CNTN3: variants seen among roughly 807,000 people sequenced by gnomAD.
The protein encoded by CNTN3 is contactin 3, also known as contactin-3.
A neutral mutation model predicts 119.1 loss-of-function variants in CNTN3; 60 were observed. The observed-to-expected ratio is 0.50, with a 90% CI of 0.41 to 0.62. CNTN3 has a LOEUF of 0.62. CNTN3 is among the 20% of genes least tolerant of loss of function. The pLI is 0.00. For synonymous variants in CNTN3, 450 were observed against 438.7 expected (o/e 1.03, Z -0.32); for missense variants, 1,101 against 1,242.4 (o/e 0.89, Z 1.71).
intron 11 of CNTN3, among the ~76,000 whole-genome samples, chr3:74,342,423 G>A (rs767758250): frequency 6.6e-6 from 1 of 152,048 alleles, no homozygotes; most frequent in Non-Finnish European, 1.5e-5. Flanking sequence ...AAATCTCCAA[G>A]GAAAGGAAAA....
At chr3:74,605,215 T>C (rs1268677103) in intron 1 of CNTN3, among the ~76,000 whole-genome samples, 2 of 152,066 alleles carry the variant, frequency 1.3e-5, no homozygotes, top group East Asian at 1.9e-4. Context: ...GTTCAAGAGA[T>C]CTATTATACA....
intron 11 of CNTN3, among the ~76,000 whole-genome samples, chr3:74,352,810 G>C (rs935974950): frequency 3.9e-5 from 6 of 152,114 alleles, no homozygotes; most frequent in Admixed American, 3.9e-4. Flanking sequence ...AGAAATTCAA[G>C]TAAGATACAA....
chr3:74,281,508 T>C (rs528858953), intron 20 of CNTN3, among the ~76,000 whole-genome samples: 17 of 152,028 alleles, frequency 1.1e-4, no homozygotes, highest in Non-Finnish European at 2.2e-4. Flanking sequence ...TTAATTCTCT[T>C]ATATTTTTCT....
chr3:74,565,045 T>G (rs1704206560), intron 1 of CNTN3, among the ~76,000 whole-genome samples: 2 of 152,126 alleles, frequency 1.3e-5, no homozygotes, highest in Non-Finnish European at 2.9e-5. Context: ...CTTCTACCAC[T>G]TCTACATTTC....
intron 11 of CNTN3, among the ~76,000 whole-genome samples, chr3:74,351,026 A>G (rs562559755): frequency 1.3e-5 from 2 of 152,334 alleles, no homozygotes; most frequent in African/African-American, 2.4e-5. Context: ...CCCAAACTCC[A>G]GCACTATACA....
chr3:74,301,351 G>A (rs1223554018), intron 16 of CNTN3, 47 bp downstream of exon 16: 2 of 1,577,774 alleles, frequency 1.3e-6, no homozygotes, highest in Non-Finnish European at 1.7e-6. Context: ...GGAAATGGAA[G>A]TACACAGAAA....
intron 5 of CNTN3, among the ~76,000 whole-genome samples, chr3:74,420,758 T>A (rs1473671727): frequency 2.0e-5 from 3 of 152,210 alleles, no homozygotes; most frequent in African/African-American, 7.2e-5. Flanking sequence ...AGAGCCCTGG[T>A]CATGAGTCAG....
chr3:74,579,103 T>C (rs1333140178), intron 1 of CNTN3, among the ~76,000 whole-genome samples: 1 of 151,944 alleles, frequency 6.6e-6, no homozygotes, highest in Non-Finnish European at 1.5e-5. Context: ...AAAGCTAGTA[T>C]TTCGTGCCAA....
At chr3:74,425,393 T>G (rs1368275943) in intron 4 of CNTN3, among the ~76,000 whole-genome samples, 1 of 152,198 alleles carries the variant, frequency 6.6e-6, no homozygotes, top group Non-Finnish European at 1.5e-5. Flanking sequence ...TCCCAGAACC[T>G]AGAGAGAAAA....
At chr3:74,556,805 T>C (rs145327924) in intron 1 of CNTN3, among the ~76,000 whole-genome samples, 2,055 of 152,328 alleles carry the variant, frequency 0.013, 24 homozygotes, top group Non-Finnish European at 0.02. Flanking sequence ...ACATTTGTTA[T>C]ATTTGTCCTT....
Position 74,581,130 on chromosome 3 carries a change from C to T in CNTN3, c.-81+33261G>A, listed in dbSNP as rs1398705562. Among the ~76,000 whole-genome samples, 3 of 151,994 alleles carry T rather than the reference C, an allele frequency of 2.0e-5. No individual in the cohort carries two copies. In the East Asian group the frequency reaches 5.8e-4, roughly 29 times the overall value. On this transcript the variant is annotated intron_variant, in intron 1 of 22. Coordinates refer to ENST00000263665, the MANE Select transcript of CNTN3 (RefSeq NM_020872.3). ...ACTCACCATTATACTAAAGGTCCTA[C>T]AAGGAGTAGTAAGTCAAACTAAGAA... is the stretch of plus-strand genomic sequence containing the variant.
At chr3:74,357,724 T>A (rs890752143) in intron 11 of CNTN3, among the ~76,000 whole-genome samples, 2 of 152,264 alleles carry the variant, frequency 1.3e-5, no homozygotes, top group East Asian at 3.9e-4. Context: ...AGAGAAAGCT[T>A]TCATCTTTAT....
intron 13 of CNTN3, among the ~76,000 whole-genome samples, chr3:74,324,665 G>A (rs533042140): frequency 2.6e-5 from 4 of 152,046 alleles, no homozygotes; most frequent in African/African-American, 9.6e-5. Context: ...TAACCTTTAC[G>A]AACATTGGTT....
chr3:74,496,458 T>C (rs1703065278), intron 3 of CNTN3, among the ~76,000 whole-genome samples: 1 of 152,068 alleles, frequency 6.6e-6, no homozygotes, highest in Non-Finnish European at 1.5e-5. Flanking sequence ...TCAATATGTC[T>C]ATATGTTCTT....
intron 20 of CNTN3, among the ~76,000 whole-genome samples, chr3:74,273,408 C>G (rs1180552183): frequency 1.3e-5 from 2 of 152,268 alleles, no homozygotes; most frequent in Non-Finnish European, 2.9e-5. Context: ...AACAGGAAAC[C>G]TGAGAGGACC....
At chr3:74,604,204 A>G (rs1380811119) in intron 1 of CNTN3, among the ~76,000 whole-genome samples, 1 of 152,178 alleles carries the variant, frequency 6.6e-6, no homozygotes, top group Non-Finnish European at 1.5e-5. Context: ...GAAACCATAA[A>G]ACTACTAGAA....
intron 11 of CNTN3, among the ~76,000 whole-genome samples, chr3:74,351,248 C>G (rs1271250157): frequency 6.6e-6 from 1 of 152,204 alleles, no homozygotes; most frequent in Non-Finnish European, 1.5e-5. Flanking sequence ...GGGGGTCCCA[C>G]AGAATGTGAG....
At chr3:74,444,832 C>A (rs746221682) in intron 4 of CNTN3, among the ~76,000 whole-genome samples, 5 of 151,938 alleles carry the variant, frequency 3.3e-5, no homozygotes, top group Non-Finnish European at 7.4e-5. Context: ...ACATTATCAA[C>A]CATAAAAATA....
intron 11 of CNTN3, among the ~76,000 whole-genome samples, chr3:74,342,256 C>A (rs1001344015): frequency 6.6e-6 from 1 of 152,124 alleles, no homozygotes; most frequent in Non-Finnish European, 1.5e-5. Flanking sequence ...CTCACCCCCA[C>A]GTTATTGGTG....
Sources: allele counts gnomAD v4.1 joint callset (sites outside exome capture counted in the v4.1 genomes callset), GRCh38; gene constraint gnomAD v4.1.1; transcripts MANE v1.5; gene names NCBI Gene and HGNC (gene_info 2026-07-23, HGNC 2026-07-21).